The following ZNF219 variants were observed in gnomAD, a reference collection of about 807,000 sequenced individuals.
The protein encoded by ZNF219 is zinc finger protein 219.
In ZNF219, 17 loss-of-function variants were observed where a neutral mutation model predicts 54.4. The observed-to-expected ratio is 0.31, with a 90% CI of 0.21 to 0.47. ZNF219 has a LOEUF of 0.47. Ranked by LOEUF, ZNF219 falls within the 20% of genes least tolerant of loss-of-function variation. The pLI is 1.00. For missense variants in ZNF219, 1,014 were observed against 1,062.3 expected, an observed-to-expected ratio of 0.95 and a Z score of 0.63; for synonymous variants, 518 against 476.4, an observed-to-expected ratio of 1.09 and a Z score of -1.14.
chr14:21,093,943 C>G, intron 1 of ZNF219: 1 of 409,944 alleles, frequency 2.4e-6, no homozygotes, highest in Admixed American at 3.6e-5. Flanking sequence ...CACCCCACCC[C>G]CTGGCGGTGG....
Position 21,092,564 on chromosome 14 carries a change from G to T in ZNF219, c.733C>A (p.Gln245Lys). ...PPQPEPRSVP[Q>K]PEPEPEPERE... ...TCGGGCTCCGGCTCCGGCTCCGGCT[G>T]GGGGACTGATCTGGGTTCGGGCTGG... The change falls in exon 3 of 5, where the codon CAG (glutamine) becomes AAG (lysine). Residue 245 changes from glutamine (Q) to lysine (K), a missense_variant. By Grantham distance (53) the Gln-to-Lys change is moderately conservative. Transcript: ENST00000360947. The T allele has an allele frequency of 6.5e-7, 1 of 1,547,490 alleles. No homozygotes were observed. The highest frequency in any genetic ancestry group is 8.7e-7 in the Non-Finnish European group (1 of 1,146,252).
upstream of ZNF219, among the ~76,000 whole-genome samples, chr14:21,099,427 TGAG>T (rs1462912359): frequency 6.6e-6 from 1 of 152,102 alleles, no homozygotes; most frequent in Non-Finnish European, 1.5e-5. Context: ...ACGTGGGAAT[TGAG>T]GAGGAGTAGA....
At chr14:21,101,946 A>C, upstream of ZNF219, 1 of 1,551,624 alleles carries the variant, frequency 6.4e-7, no homozygotes, top group African/African-American at 1.4e-5. Flanking sequence ...TCACATGGCC[A>C]CAGCGCTGCC....
At chr14:21,099,720 C>T (rs1232608591), upstream of ZNF219, among the ~76,000 whole-genome samples, 1 of 152,250 alleles carries the variant, frequency 6.6e-6, no homozygotes, top group East Asian at 1.9e-4. Flanking sequence ...GGGCTAAGCT[C>T]TCTTCCATGC....
At chr14:21,101,366 A>C, upstream of ZNF219, 1 of 1,551,682 alleles carries the variant, frequency 6.4e-7, no homozygotes, top group Non-Finnish European at 8.7e-7. Flanking sequence ...GCTGGTGAGC[A>C]AGAGCAGGAG....
At chr14:21,097,636 C>G (rs537593788) in intron 1 of ZNF219, among the ~76,000 whole-genome samples, 7 of 152,124 alleles carry the variant, frequency 4.6e-5, no homozygotes, top group East Asian at 1.9e-4. Context: ...ACCCCAGACC[C>G]CTCCCCAGGA....
chr14:21,098,679 A>G, upstream of ZNF219: 1 of 851,716 alleles, frequency 1.2e-6, no homozygotes, highest in Non-Finnish European at 1.5e-6. Flanking sequence ...GGAGGGAGGG[A>G]GGAAGGGAGG....
At chr14:21,098,864 G>C (rs1354512226), upstream of ZNF219, 3 of 1,285,878 alleles carry the variant, frequency 2.3e-6, no homozygotes, top group Non-Finnish European at 3.0e-6. Flanking sequence ...ACAGACTCGG[G>C]AAGTTCTTCC....
chr14:21,102,218 C>T (rs1566557951), upstream of ZNF219: 1 of 1,443,838 alleles, frequency 6.9e-7, no homozygotes. Flanking sequence ...TTGACTCATT[C>T]TCTCAGCTGT....
intron 3 of ZNF219, 124 bp downstream of exon 3, chr14:21,091,741 C>CA: frequency 6.9e-7 from 1 of 1,446,956 alleles, no homozygotes; most frequent in Non-Finnish European, 9.1e-7. Context: ...CAAAACAAAA[C>CA]AAAACAAAAA....
Position 21,090,540 on chromosome 14 carries a change from C to G in ZNF219, c.2165G>C (p.Arg722Pro). ...PGEAGLGGQE[R>P] ...CTAATCGCCCCTGAGGGCCCACTAC[C>G]GTTCTTGCCCCCCCAGCCCTGCCTC... The change falls in exon 5 of 5, where the codon CGG (arginine) becomes CCG (proline). Residue 722 changes from arginine (R) to proline (P), a missense_variant. Around this residue, in one of 5 missense-constraint regions of ZNF219, gnomAD observed 281 missense variants for 271.2 expected, o/e 1.04. Transcript: ENST00000360947. This position sits in a 1 kb window ranked among gnomAD's most constrained non-coding sequence, Gnocchi z 4.4. 1 of 1,592,072 alleles carries G rather than the reference C, an allele frequency of 6.3e-7. No individual in the cohort carries two copies. The highest frequency in any genetic ancestry group is 8.6e-7 in the Non-Finnish European group (1 of 1,166,148).
chr14:21,097,475 G>A (rs1361097022), intron 1 of ZNF219: 1 of 152,198 alleles, frequency 6.6e-6, no homozygotes. Context: ...GCTGACCCTA[G>A]AAAAGTCAGT....
At chr14:21,102,766 A>G (rs377084471), upstream of ZNF219, 3 of 1,550,088 alleles carry the variant, frequency 1.9e-6, no homozygotes, top group African/African-American at 4.1e-5. Flanking sequence ...CTGCACTATC[A>G]AGAGCTGCAG....
chr14:21,104,141 G>A (rs964896136), intron 1 of ZNF219: 8 of 152,308 alleles, frequency 5.3e-5, no homozygotes, highest in African/African-American at 1.7e-4. Context: ...CGGGTAGATA[G>A]GGCAGGCAGA....
At chr14:21,102,786 G>A, upstream of ZNF219, 2 of 1,547,568 alleles carry the variant, frequency 1.3e-6, no homozygotes, top group Non-Finnish European at 1.7e-6. Context: ...GGAGGTATGG[G>A]GGCAGGGAAG....
chr14:21,098,539 C>T lies in ZNF219; in HGVS notation c.-311G>A. 2.0e-6 allele frequency: 2 copies of T among 985,338 alleles called. No homozygotes were observed. The highest frequency in any genetic ancestry group is 2.4e-6 in the Non-Finnish European group (2 of 830,550). The allele number at this position is 985,338 out of a possible 1,614,324, so 61.0% of individuals were successfully genotyped here. A position where few individuals can be genotyped will look rare whatever the true frequency, so the allele number is the denominator to read the frequency against. Reference sequence around the variant, plus strand: ...CCGGCCATTAGCATGCGGGGGGCGGCGCGGCGGGGCTGGGAGCCGCGCGGG... The same window carrying T: ...CCGGCCATTAGCATGCGGGGGGCGGTGCGGCGGGGCTGGGAGCCGCGCGGG... On this transcript the variant is annotated 5_prime_UTR_variant, in exon 1 of 5. Transcript: ENST00000360947.
chr14:21,100,973 GA>G (rs1285525844), upstream of ZNF219: 1 of 179,098 alleles, frequency 5.6e-6, no homozygotes, highest in Non-Finnish European at 1.2e-5. Context: ...GGTCGGGCTA[GA>G]CATCTTGTGG....
chr14:21,102,614 C>T, upstream of ZNF219: 1 of 1,551,256 alleles, frequency 6.4e-7, no homozygotes, highest in Non-Finnish European at 8.7e-7. Flanking sequence ...CCTGCATTCT[C>T]AGCCCTGTCT....
chr14:21,091,189 C>T, intron 4 of ZNF219, 49 bp from the exon 5 acceptor site: 1 of 1,550,820 alleles, frequency 6.4e-7, no homozygotes, highest in Non-Finnish European at 8.7e-7. Flanking sequence ...TGACTGCACG[C>T]ACCCACCCGA....
Sources: gnomAD v4.1 joint callset for allele counts (sites outside exome capture counted in the v4.1 genomes callset) on GRCh38, gnomAD v4.1.1 for gene constraint, gnomAD v4.1.1 regional missense constraint, Gnocchi (gnomAD v3.1) non-coding constraint, MANE v1.5 for transcripts, NCBI Gene and HGNC (gene_info 2026-07-23, HGNC 2026-07-21) for gene names.